The following PRDM16 variants were observed in gnomAD, a reference collection of about 807,000 sequenced individuals.
The protein encoded by PRDM16 is histone-lysine N-methyltransferase PRDM16.
Under a neutral mutation model 110.6 loss-of-function variants are expected in PRDM16, and 23 were observed. That is an observed-to-expected ratio of 0.21 (90% confidence interval 0.15 to 0.29). PRDM16 has a LOEUF of 0.29. Among genes scored for constraint, PRDM16 ranks in the 10% least tolerant of loss-of-function variants. The pLI is 1.00. For synonymous variants in PRDM16, 799 were observed against 781.8 expected, an observed-to-expected ratio of 1.02 and a Z score of -0.37; for missense variants, 1,615 against 1,794.3, an observed-to-expected ratio of 0.90 and a Z score of 1.81.
At chr1:3,307,324 T>G (rs1164419144) in intron 3 of PRDM16, 1 of 152,142 alleles carries the variant, frequency 6.6e-6, no homozygotes, top group Non-Finnish European at 1.5e-5. Context: ...TTTCTCCACA[T>G]CATCACCGAC....
rs1466646004 is a variant in PRDM16 at position 3,290,021 on chromosome 1, C to T, written c.438+45884C>T. ...ACCCCACTCCTGCCTGGGGCTGCCC[C>T]TGCTGCTGTGCCTCCCCTGGTGGAG... On this transcript the variant is annotated intron_variant, in intron 3 of 16. Coordinates refer to ENST00000270722, the MANE Select transcript of PRDM16 (RefSeq NM_022114.4). The surrounding 1 kb of genome is among the most constrained non-coding windows in gnomAD (Gnocchi z 4.8). Among the ~76,000 whole-genome samples, 1 of 151,450 alleles carries T rather than the reference C, an allele frequency of 6.6e-6. No homozygotes were observed. The highest frequency in any genetic ancestry group is 2.4e-5 in the African/African-American group (1 of 41,420).
In PRDM16 at chr1:3,350,812, CTT is replaced by C. The variant is rs1385393399; in HGVS notation, c.439-34335_439-34334del. Among the ~76,000 whole-genome samples, 5 of 152,120 alleles carry C rather than the reference CTT, an allele frequency of 3.3e-5. No homozygotes were observed. Among genetic ancestry groups the C allele is most frequent in the Non-Finnish European group, 7.4e-5 (5 of 68,012 alleles). ...TTTTCCTCTTTCTGGGCCTCAAACTCTTTTTTGAGGCCAGGTGGGTGGGGCCC... is the reference window on the plus strand; with the variant it reads ...TTTTCCTCTTTCTGGGCCTCAAACTCTTTTGAGGCCAGGTGGGTGGGGCCC... On this transcript the variant is annotated intron_variant, in intron 3 of 16. Transcript: ENST00000270722. The surrounding 1 kb of genome is among the most constrained non-coding windows in gnomAD (Gnocchi z 7.1).
chr1:3,322,415 GC>G (rs1375770940), intron 3 of PRDM16, among the ~76,000 whole-genome samples: 2 of 152,122 alleles, frequency 1.3e-5, no homozygotes, highest in Non-Finnish European at 2.9e-5. Context: ...AAACAATTGA[GC>G]CTCCTGGGCC....
chr1:3,140,178 C>T (rs555767673), intron 1 of PRDM16, among the ~76,000 whole-genome samples: 4 of 152,374 alleles, frequency 2.6e-5, no homozygotes, highest in African/African-American at 4.8e-5. Flanking sequence ...GCTCCCCCGG[C>T]GGATGCAGCC....
intron 1 of PRDM16, among the ~76,000 whole-genome samples, chr1:3,102,950 C>T (rs1490563324): frequency 6.6e-6 from 1 of 152,224 alleles, no homozygotes; most frequent in Non-Finnish European, 1.5e-5. Flanking sequence ...CTGAATGTAT[C>T]ATTTCCTTCA....
chr1:3,133,356 T>G (rs1030890065), intron 1 of PRDM16: 2 of 152,248 alleles, frequency 1.3e-5, no homozygotes, highest in Admixed American at 1.3e-4. Context: ...TGGGGGAGGT[T>G]CCTGTAAGAC....
rs940267222 is a variant in PRDM16, at chr1:3,382,850, G to A, written c.439-2302G>A. Among the ~76,000 whole-genome samples, 5 of 152,238 alleles carry A rather than the reference G, an allele frequency of 3.3e-5. No homozygotes were observed. Among genetic ancestry groups the A allele is most frequent in the Non-Finnish European group, 7.3e-5 (5 of 68,036 alleles). ...GGCACTGTGTACAATGTGCTGTGAC[G>A]TCAGCAGGCCTCTATGGAGAAGTGG... On this transcript the variant is annotated intron_variant, in intron 3 of 16. Transcript: ENST00000270722. The surrounding 1 kb of genome is among the most constrained non-coding windows in gnomAD (Gnocchi z 6.6).
rs1639715555 is a variant in PRDM16 at position 3,243,232 on chromosome 1, C to G, written c.388-855C>G. On this transcript the variant is annotated intron_variant, in intron 2 of 16. Coordinates refer to ENST00000270722, the MANE Select transcript of PRDM16 (RefSeq NM_022114.4). This position sits in a 1 kb window ranked among gnomAD's most constrained non-coding sequence, Gnocchi z 5.5. ...GGGTCCTCAGTGGCCACCCCGGGCACCTGCATGGCACTAGGCACAGCGGCT... is the reference window on the plus strand; with the variant it reads ...GGGTCCTCAGTGGCCACCCCGGGCAGCTGCATGGCACTAGGCACAGCGGCT... Among the ~76,000 whole-genome samples the G allele has an allele frequency of 6.6e-6, 1 of 152,228 alleles. No homozygotes were observed. Among genetic ancestry groups the G allele is most frequent in the Non-Finnish European group, 1.5e-5 (1 of 68,042 alleles).
At chr1:3,395,148 GGGACT>G (rs1643366689) in intron 4 of PRDM16, among the ~76,000 whole-genome samples, 1 of 152,062 alleles carries the variant, frequency 6.6e-6, no homozygotes, top group South Asian at 2.1e-4. Flanking sequence ...GGAGTCAGTT[GGGACT>G]GGCAGATTGT....
intron 1 of PRDM16, among the ~76,000 whole-genome samples, chr1:3,090,096 C>A (rs1394960253): frequency 2.0e-5 from 3 of 152,310 alleles, no homozygotes; most frequent in East Asian, 3.9e-4. Flanking sequence ...GGCAAACAAA[C>A]CCCCCAGCCA....
chr1:3,282,487 C>T (rs1640729921), intron 3 of PRDM16, among the ~76,000 whole-genome samples: 1 of 152,226 alleles, frequency 6.6e-6, no homozygotes, highest in Non-Finnish European at 1.5e-5. Flanking sequence ...TGTTCCTCAG[C>T]TCTGTCCCAG....
At chr1:3,393,464 G>A (rs1296139879) in intron 4 of PRDM16, among the ~76,000 whole-genome samples, 2 of 152,230 alleles carry the variant, frequency 1.3e-5, no homozygotes, top group Non-Finnish European at 2.9e-5. Context: ...ATAAGCAGAC[G>A]GCAGGAATGT....
intron 1 of PRDM16, among the ~76,000 whole-genome samples, chr1:3,076,725 A>G (rs1466691876): frequency 6.6e-6 from 1 of 152,156 alleles, no homozygotes; most frequent in Non-Finnish European, 1.5e-5. Flanking sequence ...TCCAGGCTTT[A>G]CCGGGGCTTC....
At chr1:3,421,966 A>G (rs1156358607) in intron 12 of PRDM16, among the ~76,000 whole-genome samples, 2 of 150,662 alleles carry the variant, frequency 1.3e-5, no homozygotes, top group Non-Finnish European at 3.0e-5. Flanking sequence ...ACAGGAAGAC[A>G]GACAGGCAGG....
At chr1:3,135,089 C>A (rs2100690880) in intron 1 of PRDM16, among the ~76,000 whole-genome samples, 1 of 152,360 alleles carries the variant, frequency 6.6e-6, no homozygotes, top group Middle Eastern at 3.4e-3. Context: ...GAAGGAAGGG[C>A]ACTTTCCTCG....
At chr1:3,264,507 G>A (rs543803645) in intron 3 of PRDM16, among the ~76,000 whole-genome samples, 69 of 150,668 alleles carry the variant, frequency 4.6e-4, no homozygotes, top group African/African-American at 1.5e-3. Context: ...GGGGAGAGGC[G>A]CAGAGGGGCA....
chr1:3,296,759 T>C (rs1453117902), intron 3 of PRDM16, among the ~76,000 whole-genome samples: 1 of 152,250 alleles, frequency 6.6e-6, no homozygotes, highest in Non-Finnish European at 1.5e-5. Flanking sequence ...AGAAGAATCT[T>C]TTCGTGGAAC....
rs1369253563 is a variant in PRDM16 at position 3,287,794 on chromosome 1, CCCCCTGCCACGT to C, written c.438+43658_438+43669del. Among the ~76,000 whole-genome samples the C allele has an allele frequency of 9.9e-4, 140 of 141,128 alleles. 4 individuals carry two copies. The highest frequency in any genetic ancestry group is 1.7e-3 in the Non-Finnish European group (109 of 62,808). The allele number at this position is 141,128 out of a possible 152,430, so 92.6% of individuals were successfully genotyped here. On this transcript the variant is annotated intron_variant, in intron 3 of 16. Transcript: ENST00000270722. ...ATTGCATTTACCGGGGCTGGAGCCG[CCCCCTGCCACGT>C]GGGCATCCAGGATTGCATTTACCGG...
At chr1:3,250,078 C>A (rs142814337) in intron 3 of PRDM16, among the ~76,000 whole-genome samples, 1 of 152,300 alleles carries the variant, frequency 6.6e-6, no homozygotes, top group African/African-American at 2.4e-5. Flanking sequence ...CCCTGGGGAC[C>A]AGCCCAGGTG....
Sources: allele counts gnomAD v4.1 joint callset (sites outside exome capture counted in the v4.1 genomes callset), GRCh38; gene constraint gnomAD v4.1.1; non-coding constraint Gnocchi (gnomAD v3.1); transcripts MANE v1.5; gene names NCBI Gene and HGNC (gene_info 2026-07-23, HGNC 2026-07-21).